KCNK1: variants seen among roughly 807,000 people sequenced by gnomAD.
KCNK1 encodes potassium channel subfamily K member 1.
In KCNK1, 10 loss-of-function variants were observed where a neutral mutation model predicts 22.2. The ratio of observed to expected loss-of-function variants is 0.45; its 90% CI spans 0.28 to 0.76. The LOEUF is 0.76. Ranked by LOEUF, KCNK1 falls within the 30% of genes least tolerant of loss-of-function variation. The pLI is 0.14. For synonymous variants in KCNK1, 200 were observed against 186.4 expected, an observed-to-expected ratio of 1.07 and a Z score of -0.60; for missense variants, 378 against 421.0, an observed-to-expected ratio of 0.90 and a Z score of 0.89.
At chr1:233,646,877 C>T (rs528302656) in intron 1 of KCNK1, among the ~76,000 whole-genome samples, 5 of 152,236 alleles carry the variant, frequency 3.3e-5, no homozygotes, top group East Asian at 1.9e-4. Flanking sequence ...GGCCTTGAGA[C>T]GACAGACCTG....
intron 1 of KCNK1, among the ~76,000 whole-genome samples, chr1:233,650,798 G>A (rs78783264): frequency 8.7e-4 from 114 of 130,386 alleles, no homozygotes; most frequent in South Asian, 1.5e-3. Context: ...TCGAACAATA[G>A]AAAAAAAAAA....
intron 1 of KCNK1, among the ~76,000 whole-genome samples, chr1:233,652,410 A>G (rs1287789468): frequency 6.6e-6 from 1 of 152,088 alleles, no homozygotes; most frequent in Non-Finnish European, 1.5e-5. Flanking sequence ...TGCCCCCATC[A>G]TGCATCTGCT....
intron 1 of KCNK1, among the ~76,000 whole-genome samples, chr1:233,647,196 TTG>T (rs1435722599): frequency 6.6e-6 from 1 of 152,248 alleles, no homozygotes; most frequent in African/African-American, 2.4e-5. Flanking sequence ...TCGTTTTCTT[TTG>T]ACTTTGTTCC....
intron 1 of KCNK1, among the ~76,000 whole-genome samples, chr1:233,656,413 C>T (rs927792912): frequency 1.3e-5 from 2 of 152,150 alleles, no homozygotes; most frequent in African/African-American, 4.8e-5. Context: ...TCTCAGTAGT[C>T]GTTAGACAAA....
chr1:233,639,096 A>G (rs1433753983), intron 1 of KCNK1, among the ~76,000 whole-genome samples: 2 of 152,176 alleles, frequency 1.3e-5, no homozygotes, highest in African/African-American at 2.4e-5. Context: ...CACCCAAAAA[A>G]CAGATGAATA....
chr1:233,671,149 A>G (rs1658589054), intron 2 of KCNK1, 122 bp from the exon 3 acceptor site: 3 of 860,542 alleles, frequency 3.5e-6, no homozygotes, highest in South Asian at 1.7e-5. Flanking sequence ...AAATTAAGAA[A>G]CTGGCAATGA....
intron 1 of KCNK1, among the ~76,000 whole-genome samples, chr1:233,632,459 C>A (rs1334922881): frequency 6.6e-6 from 1 of 152,086 alleles, no homozygotes; most frequent in Non-Finnish European, 1.5e-5. Context: ...TTTTTTATAA[C>A]CTTACCGGGA....
rs150020014 is a variant in KCNK1, at chr1:233,628,370, G to A, written c.355+13844G>A. Among the ~76,000 whole-genome samples the A allele has an allele frequency of 4.9e-3, 739 of 152,282 alleles. 6 individuals are homozygous for A. Among genetic ancestry groups the A allele is most frequent in the African/African-American group, 0.016 (657 of 41,558 alleles). ...ACTATGTTCACTATTTGAGTGATGAGTTCATGAGAAGCCCAAGCCTCACCA... is the reference window on the plus strand; with the variant it reads ...ACTATGTTCACTATTTGAGTGATGAATTCATGAGAAGCCCAAGCCTCACCA... On this transcript the variant is annotated intron_variant, in intron 1 of 2. Transcript: ENST00000366621.
At chr1:233,614,562 C>T (rs1657448805) in intron 1 of KCNK1, 36 bp downstream of exon 1, 2 of 1,484,530 alleles carry the variant, frequency 1.3e-6, no homozygotes, top group Admixed American at 4.0e-5. Context: ...CCGCCCCGGC[C>T]ACCTCGCCCA....
At chr1:233,615,734 C>A (rs1451891270) in intron 1 of KCNK1, among the ~76,000 whole-genome samples, 1 of 150,522 alleles carries the variant, frequency 6.6e-6, no homozygotes, top group Non-Finnish European at 1.5e-5. Context: ...TTCCTCCCCA[C>A]CCCCCTCCAC....
intron 1 of KCNK1, chr1:233,637,148 A>G (rs1309327703): frequency 6.8e-6 from 1 of 146,854 alleles, no homozygotes; most frequent in Admixed American, 7.2e-5. Flanking sequence ...GTGAGCCAAG[A>G]TCGTGCCACT....
chr1:233,648,496 T>G (rs1394745123), intron 1 of KCNK1, among the ~76,000 whole-genome samples: 1 of 152,096 alleles, frequency 6.6e-6, no homozygotes, highest in African/African-American at 2.4e-5. Context: ...TGAGATGCTG[T>G]AGTAACATGG....
At chr1:233,643,173 T>C (rs950179354) in intron 1 of KCNK1, among the ~76,000 whole-genome samples, 1 of 152,136 alleles carries the variant, frequency 6.6e-6, no homozygotes, top group Non-Finnish European at 1.5e-5. Flanking sequence ...GGGAGCTTGC[T>C]AGTTCAGTCA....
At chr1:233,666,245 C>G (rs930512037) in intron 1 of KCNK1, among the ~76,000 whole-genome samples, 11 of 152,102 alleles carry the variant, frequency 7.2e-5, no homozygotes, top group African/African-American at 2.4e-4. Flanking sequence ...AAGTGGGTAG[C>G]CTCGGATGAG....
intron 1 of KCNK1, among the ~76,000 whole-genome samples, chr1:233,640,647 T>C (rs755970539): frequency 2.0e-5 from 3 of 152,196 alleles, no homozygotes; most frequent in Non-Finnish European, 2.9e-5. Flanking sequence ...GAAGTGGTTT[T>C]CTGGGATAAC....
intron 1 of KCNK1, among the ~76,000 whole-genome samples, chr1:233,664,574 A>C (rs766841503): frequency 5.9e-5 from 9 of 152,178 alleles, no homozygotes; most frequent in Non-Finnish European, 1.2e-4. Context: ...AAAGCCCTGG[A>C]ATCTCTCCAT....
chr1:233,648,132 C>G (rs1658130048), intron 1 of KCNK1, among the ~76,000 whole-genome samples: 3 of 152,150 alleles, frequency 2.0e-5, no homozygotes, highest in African/African-American at 7.2e-5. Context: ...AAGTGCCATA[C>G]CTCTGTATTC....
At position 233,671,633 on chromosome 1, in the gene KCNK1, A is replaced by G; in HGVS notation, c.*103A>G. 1 of 1,333,078 alleles carries G rather than the reference A, an allele frequency of 7.5e-7. No homozygotes were observed. The allele number at this position is 1,333,078 out of a possible 1,614,324, so 82.6% of individuals were successfully genotyped here. On this transcript the variant is annotated 3_prime_UTR_variant, in exon 3 of 3. Transcript: ENST00000366621. ...AGAATGCAAAAGCGAAAATTATGTCACTTTAAGAAATAGCTACTGTTTGCA... is the reference window on the plus strand; with the variant it reads ...AGAATGCAAAAGCGAAAATTATGTCGCTTTAAGAAATAGCTACTGTTTGCA...
intron 1 of KCNK1, chr1:233,631,413 CTCAACGGTTA>C (rs1367835394): frequency 2.3e-6 from 1 of 428,784 alleles, no homozygotes; most frequent in African/African-American, 2.1e-5. Context: ...GGATTTTAAG[CTCAACGGTTA>C]TCAGCTCAAA....
Sources: allele counts gnomAD v4.1 joint callset (sites outside exome capture counted in the v4.1 genomes callset), GRCh38; gene constraint gnomAD v4.1.1; transcripts MANE v1.5; gene names NCBI Gene and HGNC (gene_info 2026-07-23, HGNC 2026-07-21).